The following ASCC1 variants were observed in gnomAD, a reference collection of about 807,000 sequenced individuals.
The protein encoded by ASCC1 is ASC-1 complex subunit P50.
ASCC1 carries 35 observed loss-of-function variants against 46.6 expected under a neutral mutation model. The observed-to-expected ratio is 0.75, with a 90% CI of 0.57 to 0.99. ASCC1 has a LOEUF of 0.99. Ranked by LOEUF, ASCC1 falls within the 50% of genes least tolerant of loss-of-function variation. ASCC1 has a pLI of 0.00. For missense variants in ASCC1, 376 were observed against 428.7 expected (o/e 0.88, Z 1.09); for synonymous variants, 143 against 146.6 (o/e 0.98, Z 0.18).
chr10:72,184,870 A>C (rs1389754267), intron 5 of ASCC1, among the ~76,000 whole-genome samples: 2 of 152,162 alleles, frequency 1.3e-5, no homozygotes, highest in Non-Finnish European at 2.9e-5. Flanking sequence ...CTTTTTAAAA[A>C]AAGGTTAAAA....
intron 4 of ASCC1, among the ~76,000 whole-genome samples, chr10:72,202,387 G>T (rs1228873861): frequency 6.6e-6 from 1 of 151,632 alleles, no homozygotes; most frequent in Admixed American, 6.6e-5. Flanking sequence ...AGAATCGCTT[G>T]AACCTGGGTA....
chr10:72,195,827 G>A (rs561943535), intron 5 of ASCC1, among the ~76,000 whole-genome samples: 25 of 149,028 alleles, frequency 1.7e-4, no homozygotes, highest in Middle Eastern at 3.5e-3. Flanking sequence ...AGAGTGAAAC[G>A]CTGTCTCAAA....
intron 9 of ASCC1, among the ~76,000 whole-genome samples, chr10:72,126,773 A>G (rs1279186936): frequency 6.6e-6 from 1 of 152,212 alleles, no homozygotes; most frequent in Non-Finnish European, 1.5e-5. Context: ...TTCATATCAC[A>G]CCGAAGCTGT....
intron 9 of ASCC1, among the ~76,000 whole-genome samples, chr10:72,103,379 G>A (rs986984573): frequency 1.3e-5 from 2 of 152,024 alleles, no homozygotes; most frequent in Non-Finnish European, 2.9e-5. Flanking sequence ...TGATCCACCC[G>A]CCTCAGCCTC....
intron 9 of ASCC1, among the ~76,000 whole-genome samples, chr10:72,109,241 G>A (rs1842667659): frequency 6.6e-6 from 1 of 152,194 alleles, no homozygotes; most frequent in South Asian, 2.1e-4. Context: ...TATTAGGAGA[G>A]CAGCAAAAAG....
At chr10:72,190,706 T>C in intron 5 of ASCC1, 1 of 619,828 alleles carries the variant, frequency 1.6e-6, no homozygotes, top group Non-Finnish European at 2.8e-6. Context: ...ATTAAGACAG[T>C]TAAAGTGAAG....
intron 4 of ASCC1, among the ~76,000 whole-genome samples, chr10:72,201,453 C>A (rs574463127): frequency 6.6e-6 from 1 of 152,266 alleles, no homozygotes; most frequent in East Asian, 1.9e-4. Context: ...CTTTGGGAGG[C>A]CAAGGAGGAT....
intron 3 of ASCC1, among the ~76,000 whole-genome samples, chr10:72,203,876 A>C (rs1856839377): frequency 6.6e-6 from 1 of 152,154 alleles, no homozygotes; most frequent in Admixed American, 6.6e-5. Flanking sequence ...CCTGCTACTC[A>C]AAAGACTGAG....
intron 9 of ASCC1, among the ~76,000 whole-genome samples, chr10:72,101,348 G>T (rs1333710126): frequency 2.0e-5 from 3 of 152,174 alleles, no homozygotes; most frequent in African/African-American, 7.2e-5. Flanking sequence ...CGTGAGATGA[G>T]AGGTACAGGC....
intron 5 of ASCC1, among the ~76,000 whole-genome samples, chr10:72,192,454 C>CAAA (rs770758322): frequency 0.15 from 15,844 of 109,082 alleles, 2,609 homozygotes; most frequent in African/African-American, 0.41. Context: ...GACTCCGTCT[C>CAAA]AAAAAAAAAA....
At position 72,206,660 on chromosome 10, in the gene ASCC1, G is replaced by C. The variant is rs115817339; in HGVS notation, c.213-3136C>G. Among the ~76,000 whole-genome samples the C allele has an allele frequency of 1.0e-3, 154 of 152,208 alleles. 3 individuals carry two copies. Among genetic ancestry groups the C allele is most frequent in the African/African-American group, 3.1e-3 (128 of 41,550 alleles). The stretch of plus-strand genomic sequence containing the variant: ...TGATCTAAAAGGAATTATGTGTTCA[G>C]AGTTCCAAACTACGGAATCCGGCTT... On this transcript the variant is annotated intron_variant, in intron 3 of 9. Coordinates refer to ENST00000672957, the MANE Select transcript of ASCC1 (RefSeq NM_001198800.3).
chr10:72,210,953 C>T (rs1720884343), intron 2 of ASCC1, 122 bp from the exon 3 acceptor site: 18 of 810,920 alleles, frequency 2.2e-5, no homozygotes, highest in Non-Finnish European at 3.1e-5. Context: ...AAAGAACAGC[C>T]GGACACTGTA....
At chr10:72,177,532 A>G (rs1434757782) in intron 5 of ASCC1, among the ~76,000 whole-genome samples, 1 of 152,230 alleles carries the variant, frequency 6.6e-6, no homozygotes, top group African/African-American at 2.4e-5. Flanking sequence ...AGAATTATGT[A>G]GTTTCTGCAG....
chr10:72,126,065 C>T (rs1457390685), intron 9 of ASCC1, among the ~76,000 whole-genome samples: 3 of 152,300 alleles, frequency 2.0e-5, no homozygotes, highest in African/African-American at 7.2e-5. Flanking sequence ...TTTAATTGGC[C>T]ATTATCCCAG....
rs1329235453 is a variant in ASCC1 at position 72,096,908 on chromosome 10, G to C, written c.*426C>G. 5 of 454,060 alleles carry C rather than the reference G, an allele frequency of 1.1e-5. No homozygotes were observed. Among genetic ancestry groups the C allele is most frequent in the Non-Finnish European group, 2.2e-5 (5 of 226,864 alleles). The allele number at this position is 454,060 out of a possible 1,614,324, so 28.1% of individuals were successfully genotyped here. ...AGAATGGTGGCTGCGGGGGCTGGGA[G>C]GAGTGGGAATTACTGTTTAATGGGT... On this transcript the variant is annotated 3_prime_UTR_variant, in exon 10 of 10. Transcript: ENST00000672957.
At chr10:72,191,147 T>A (rs1420826915) in intron 5 of ASCC1, among the ~76,000 whole-genome samples, 1 of 148,936 alleles carries the variant, frequency 6.7e-6, no homozygotes, top group Non-Finnish European at 1.5e-5. Context: ...TACCTCCGCC[T>A]CCCAGGTTCA....
intron 5 of ASCC1, among the ~76,000 whole-genome samples, chr10:72,170,471 C>G (rs979046080): frequency 1.3e-5 from 2 of 151,746 alleles, no homozygotes; most frequent in African/African-American, 4.8e-5. Flanking sequence ...AAAGAGCCGG[C>G]GTGGCACCGT....
At chr10:72,208,123 C>A (rs972752147) in intron 3 of ASCC1, among the ~76,000 whole-genome samples, 1 of 152,060 alleles carries the variant, frequency 6.6e-6, no homozygotes, top group African/African-American at 2.4e-5. Flanking sequence ...AGCCACCACA[C>A]CCAGCCTTCC....
chr10:72,196,210 TCATTAA>T (rs1182491861), intron 5 of ASCC1, among the ~76,000 whole-genome samples: 1 of 151,980 alleles, frequency 6.6e-6, no homozygotes, highest in Non-Finnish European at 1.5e-5. Flanking sequence ...TAATGGCATC[TCATTAA>T]CATTACCACC....
Sources: allele counts gnomAD v4.1 joint callset (sites outside exome capture counted in the v4.1 genomes callset), GRCh38; gene constraint gnomAD v4.1.1; transcripts MANE v1.5; gene names NCBI Gene and HGNC (gene_info 2026-07-23, HGNC 2026-07-21).